Variants in SUSD5 observed in about 807,000 individuals in gnomAD.
SUSD5 encodes the protein sushi domain-containing protein 5.
Under a neutral mutation model 29.5 loss-of-function variants are expected in SUSD5, and 33 were observed. The observed-to-expected ratio is 1.12, with a 90% confidence interval of 0.85 to 1.49. The LOEUF is 1.49. SUSD5 is among the 40% of genes most tolerant of loss of function. The probability of loss-of-function intolerance (pLI) is 0.00; values close to 1 mark genes in which losing one functional copy is unlikely to be tolerated. For missense variants in SUSD5, 776 were observed against 800.6 expected (o/e 0.97, Z 0.37); for synonymous variants, 308 against 325.3 (o/e 0.95, Z 0.57).
intron 4 of SUSD5, among the ~76,000 whole-genome samples, chr3:33,170,957 T>C (rs570309921): frequency 7.2e-4 from 110 of 152,358 alleles, no homozygotes; most frequent in South Asian, 7.0e-3. Context: ...CTGACCCCCA[T>C]ACTATATTAT....
At chr3:33,212,720 C>T (rs891892547) in intron 2 of SUSD5, among the ~76,000 whole-genome samples, 6 of 152,210 alleles carry the variant, frequency 3.9e-5, no homozygotes, top group African/African-American at 1.4e-4. Context: ...ACAGCACACC[C>T]ATCTCAGCAC....
chr3:33,205,654 C>T (rs2032204125), intron 3 of SUSD5, among the ~76,000 whole-genome samples: 1 of 152,186 alleles, frequency 6.6e-6, no homozygotes, highest in African/African-American at 2.4e-5. Context: ...ATAACTTGCT[C>T]GATGGTCTGT....
At chr3:33,161,862 G>A (rs2031196168) in intron 4 of SUSD5, among the ~76,000 whole-genome samples, 1 of 152,110 alleles carries the variant, frequency 6.6e-6, no homozygotes, top group East Asian at 1.9e-4. Context: ...ACTAAAAGAA[G>A]ACACTGATAA....
rs1351528712 is a variant in SUSD5 at position 33,214,098 on chromosome 3, G to C, written c.120C>G (p.Phe40Leu). Residue 40 changes from phenylalanine to leucine, a missense_variant, in exon 2 of 5, where the codon TTC becomes TTG. By Grantham distance (22) the Phe-to-Leu change is conservative. Transcript: ENST00000309558. ...PRLSVRADGK[F>L]FVLESQNGSQ... ...AGCCATTCTGAGACTCCAGCACAAA[G>C]AACTTTCCTGTGTGGGAACAAGAAC... 2 of 1,602,552 alleles carry C rather than the reference G, an allele frequency of 1.2e-6. No individual in the cohort carries two copies. Among genetic ancestry groups the C allele is most frequent in the Admixed American group, 1.7e-5 (1 of 57,490 alleles).
chr3:33,168,237 T>C (rs1025889030), intron 4 of SUSD5, among the ~76,000 whole-genome samples: 4 of 152,142 alleles, frequency 2.6e-5, no homozygotes, highest in African/African-American at 9.7e-5. Context: ...GCCCCACACG[T>C]ACCCTCTTTT....
At position 33,152,724 on chromosome 3, in the gene SUSD5, A is replaced by C. The variant is rs1559441535; in HGVS notation, c.*18T>G. On this transcript the variant is annotated 3_prime_UTR_variant, in exon 5 of 5. Coordinates refer to ENST00000309558, the MANE Select transcript of SUSD5 (RefSeq NM_015551.2). ...TTTTCCTCCCAAGTGGCTTTGGGAG[A>C]ACCCACTCCAAAGGTGCCTAGACCT... The C allele has an allele frequency of 6.3e-7, 1 of 1,576,354 alleles. No homozygotes were observed. The highest frequency in any genetic ancestry group is 1.8e-5 in the Admixed American group (1 of 54,780).
At chr3:33,194,296 A>C (rs879308286) in intron 3 of SUSD5, among the ~76,000 whole-genome samples, 3 of 152,154 alleles carry the variant, frequency 2.0e-5, no homozygotes, top group Non-Finnish European at 4.4e-5. Flanking sequence ...AGTAATAATA[A>C]AACTCTGGCC....
intron 3 of SUSD5, among the ~76,000 whole-genome samples, chr3:33,191,640 G>GT (rs1374011931): frequency 6.6e-6 from 1 of 151,460 alleles, no homozygotes; most frequent in African/African-American, 2.4e-5. Context: ...GAATATGAGT[G>GT]TTTAAGAATT....
chr3:33,180,373 T>A (rs994275553), intron 3 of SUSD5, among the ~76,000 whole-genome samples: 4 of 147,500 alleles, frequency 2.7e-5, no homozygotes, highest in Admixed American at 6.8e-5. Flanking sequence ...AAAAAAAAAT[T>A]TTTTTGAGAC....
At chr3:33,196,816 C>T (rs1300740348) in intron 3 of SUSD5, among the ~76,000 whole-genome samples, 1 of 152,174 alleles carries the variant, frequency 6.6e-6, no homozygotes, top group Non-Finnish European at 1.5e-5. Flanking sequence ...TACATTCCAA[C>T]CCAAACGGCA....
chr3:33,207,937 C>CA lies in SUSD5; in HGVS notation c.291-12dup, dbSNP rs749458994. On this transcript the variant is annotated splice_polypyrimidine_tract_variant and intron_variant, in intron 2 of 4. Coordinates refer to ENST00000309558, the MANE Select transcript of SUSD5 (RefSeq NM_015551.2). Reference sequence around the variant, plus strand: ...CTACACACAGTTGTTCTGAAATAGACAAAAAAGGCACTGAATGAGGAAAAC... The same window carrying CA: ...CTACACACAGTTGTTCTGAAATAGACAAAAAAAGGCACTGAATGAGGAAAAC... The CA allele has an allele frequency of 2.0e-5, 32 of 1,594,630 alleles. No homozygotes were observed. The African/African-American group carries it at 3.4e-4, about 17-fold the overall frequency.
Position 33,191,767 on chromosome 3 carries a change from G to A in SUSD5, c.409+16041C>T, listed in dbSNP as rs796693565. On this transcript the variant is annotated intron_variant, in intron 3 of 4. Coordinates refer to ENST00000309558, the MANE Select transcript of SUSD5 (RefSeq NM_015551.2). ...TTGAGAGCAGCTTGGGCAATATAGCGAGATCCCATCTCAATTAAAAAATAA... is the reference window on the plus strand; with the variant it reads ...TTGAGAGCAGCTTGGGCAATATAGCAAGATCCCATCTCAATTAAAAAATAA... 7.2e-5 allele frequency among the ~76,000 whole-genome samples: 11 copies of A among 152,058 alleles called. No individual in the cohort carries two copies. The South Asian group carries it at 1.0e-3, about 14-fold the overall frequency.
At chr3:33,184,651 C>T (rs992691193) in intron 3 of SUSD5, among the ~76,000 whole-genome samples, 1 of 151,378 alleles carries the variant, frequency 6.6e-6, no homozygotes, top group African/African-American at 2.4e-5. Context: ...TTGGAAGTTT[C>T]TATTGCCATA....
In SUSD5 at chr3:33,192,975, T is replaced by C. The variant is rs575305277; in HGVS notation, c.409+14833A>G. 3.4e-5 allele frequency among the ~76,000 whole-genome samples: 5 copies of C among 145,982 alleles called. No homozygotes were observed. In the South Asian group the frequency reaches 1.1e-3, roughly 33 times the overall value. On this transcript the variant is annotated intron_variant, in intron 3 of 4. Transcript: ENST00000309558. The stretch of plus-strand genomic sequence containing the variant: ...TATGTATGTTGGGTCTATTTTGATG[T>C]TTCCAGTCTTTTGCACTGAAGTACT...
chr3:33,175,115 G>C (rs537885343), intron 3 of SUSD5, 41 bp from the exon 4 acceptor site: 1 of 1,603,474 alleles, frequency 6.2e-7, no homozygotes, highest in Admixed American at 1.7e-5. Context: ...CAAACTGTGC[G>C]GAACTTTTTC....
rs1395747883 is a variant in SUSD5, at chr3:33,204,275, C to A, written c.409+3533G>T. On this transcript the variant is annotated intron_variant, in intron 3 of 4. Coordinates refer to ENST00000309558, the MANE Select transcript of SUSD5 (RefSeq NM_015551.2). This position sits in a 1 kb window ranked among gnomAD's most constrained non-coding sequence, Gnocchi z 4.5. ...CAAGTTATCCTCCAAAGTGTTGGGACTACAGGCATAAGCCACCATGCCCAG... is the reference window on the plus strand; with the variant it reads ...CAAGTTATCCTCCAAAGTGTTGGGAATACAGGCATAAGCCACCATGCCCAG... 6.6e-6 allele frequency among the ~76,000 whole-genome samples: 1 copy of A among 152,012 alleles called. No individual in the cohort carries two copies. Among genetic ancestry groups the A allele is most frequent in the Non-Finnish European group, 1.5e-5 (1 of 68,004 alleles).
At chr3:33,165,578 G>A (rs2031286268) in intron 4 of SUSD5, among the ~76,000 whole-genome samples, 1 of 152,224 alleles carries the variant, frequency 6.6e-6, no homozygotes, top group South Asian at 2.1e-4. Flanking sequence ...AACTGGCACA[G>A]TATTTGGCTG....
At chr3:33,176,776 G>C (rs908363846) in intron 3 of SUSD5, among the ~76,000 whole-genome samples, 13 of 152,166 alleles carry the variant, frequency 8.5e-5, no homozygotes, top group African/African-American at 2.9e-4. Context: ...TTTGTGAAGG[G>C]TGTAAGGTCT....
chr3:33,156,745 G>C (rs1329415822), intron 4 of SUSD5, among the ~76,000 whole-genome samples: 1 of 152,182 alleles, frequency 6.6e-6, no homozygotes, highest in Non-Finnish European at 1.5e-5. Context: ...CTAGATTAGT[G>C]GGTATCTGGC....
Sources: gnomAD v4.1 joint callset for allele counts (sites outside exome capture counted in the v4.1 genomes callset) on GRCh38, gnomAD v4.1.1 for gene constraint, Gnocchi (gnomAD v3.1) non-coding constraint, MANE v1.5 for transcripts, NCBI Gene and HGNC (gene_info 2026-07-23, HGNC 2026-07-21) for gene names.